The following FBXL4 variants were observed in gnomAD, a reference collection of about 807,000 sequenced individuals.
The protein encoded by FBXL4 is F-box and leucine rich repeat protein 4.
In FBXL4, 40 loss-of-function variants were observed where a neutral mutation model predicts 58.9. The ratio of observed to expected loss-of-function variants is 0.68; its 90% CI spans 0.53 to 0.88. The LOEUF (loss-of-function observed/expected upper bound fraction) is 0.88, where lower values mean the gene tolerates loss of function less well. Among genes scored for constraint, FBXL4 ranks in the 40% least tolerant of loss-of-function variants. The pLI, the probability that FBXL4 is intolerant of heterozygous loss-of-function variation, is 0.00. For synonymous variants in FBXL4, 263 were observed against 265.5 expected (o/e 0.99, Z 0.09); for missense variants, 676 against 734.4 (o/e 0.92, Z 0.92).
chr6:98,889,763 G>A (rs1056163072), intron 7 of FBXL4, among the ~76,000 whole-genome samples: 3 of 151,894 alleles, frequency 2.0e-5, no homozygotes, highest in African/African-American at 7.3e-5. Flanking sequence ...TGGAAGTTTG[G>A]TGTATGCAGA....
intron 7 of FBXL4, among the ~76,000 whole-genome samples, chr6:98,888,403 A>G (rs10484609): frequency 0.17 from 25,176 of 152,234 alleles, 2,493 homozygotes; most frequent in East Asian, 0.47. Flanking sequence ...AGAACAAAAC[A>G]ATTCTACTAT....
At chr6:98,897,484 T>C (rs1012987855) in intron 7 of FBXL4, 1 of 410,098 alleles carries the variant, frequency 2.4e-6, no homozygotes, top group Non-Finnish European at 3.3e-6. Flanking sequence ...AGAATCAAAG[T>C]CTTCTTTCCA....
At chr6:98,907,508 C>T (rs1771860173) in intron 5 of FBXL4, among the ~76,000 whole-genome samples, 2 of 152,154 alleles carry the variant, frequency 1.3e-5, no homozygotes, top group South Asian at 4.1e-4. Context: ...AGATTGTTAT[C>T]TCTAATTAAA....
chr6:98,913,769 A>G (rs1484182753), intron 5 of FBXL4, among the ~76,000 whole-genome samples: 1 of 152,236 alleles, frequency 6.6e-6, no homozygotes, highest in Non-Finnish European at 1.5e-5. Context: ...GAAAAGCAAG[A>G]GCAAACACAT....
chr6:98,908,442 TC>T (rs1310314904), intron 5 of FBXL4, among the ~76,000 whole-genome samples: 3 of 152,222 alleles, frequency 2.0e-5, no homozygotes, highest in Non-Finnish European at 4.4e-5. Flanking sequence ...CTGCTTTTTT[TC>T]CTATTGCAAA....
intron 5 of FBXL4, among the ~76,000 whole-genome samples, chr6:98,913,599 G>C (rs1772195688): frequency 6.6e-6 from 1 of 152,202 alleles, no homozygotes; most frequent in Admixed American, 6.5e-5. Context: ...CAGAAATAAA[G>C]ATGTTCTTTG....
intron 5 of FBXL4, among the ~76,000 whole-genome samples, chr6:98,906,343 C>A (rs989251656): frequency 1.4e-5 from 2 of 147,760 alleles, no homozygotes; most frequent in Non-Finnish European, 1.5e-5. Flanking sequence ...CACCCCCCAA[C>A]AGGCCCCAGT....
chr6:98,908,015 G>C (rs1282947684), intron 5 of FBXL4, among the ~76,000 whole-genome samples: 1 of 152,080 alleles, frequency 6.6e-6, no homozygotes, highest in Non-Finnish European at 1.5e-5. Context: ...TCCCATTGTA[G>C]TGGTCCCTAT....
chr6:98,877,731 T>A (rs747828129), intron 8 of FBXL4, among the ~76,000 whole-genome samples: 6 of 152,196 alleles, frequency 3.9e-5, no homozygotes, highest in African/African-American at 1.2e-4. Flanking sequence ...CAGGATCACA[T>A]AATTAGTAGG....
At chr6:98,901,716 G>C (rs1285239303) in intron 6 of FBXL4, among the ~76,000 whole-genome samples, 2 of 152,240 alleles carry the variant, frequency 1.3e-5, no homozygotes, top group Non-Finnish European at 2.9e-5. Context: ...GACAGTAGCA[G>C]ACTCAATTAG....
intron 2 of FBXL4, among the ~76,000 whole-genome samples, chr6:98,928,460 C>G (rs1407218366): frequency 6.6e-6 from 1 of 151,984 alleles, no homozygotes; most frequent in Non-Finnish European, 1.5e-5. Flanking sequence ...TCCTGAGTAG[C>G]TGGGACTACA....
chr6:98,925,579 C>A (rs1772747500), intron 4 of FBXL4, among the ~76,000 whole-genome samples: 1 of 152,140 alleles, frequency 6.6e-6, no homozygotes, highest in Non-Finnish European at 1.5e-5. Flanking sequence ...CAACTAAGTG[C>A]CCATCAATGG....
chr6:98,945,669 G>C (rs1286032327), intron 1 of FBXL4, among the ~76,000 whole-genome samples: 10 of 152,088 alleles, frequency 6.6e-5, no homozygotes, highest in Admixed American at 6.6e-4. Flanking sequence ...TGGATATGAG[G>C]ATATCTTCCT....
At chr6:98,910,709 G>A (rs951786614) in intron 5 of FBXL4, among the ~76,000 whole-genome samples, 50 of 151,914 alleles carry the variant, frequency 3.3e-4, no homozygotes, top group Admixed American at 1.9e-3. Flanking sequence ...CAAGATGGCC[G>A]AATAGGAACA....
chr6:98,924,665 A>G (rs543559722), intron 4 of FBXL4, among the ~76,000 whole-genome samples: 35 of 152,312 alleles, frequency 2.3e-4, no homozygotes, highest in African/African-American at 8.4e-4. Flanking sequence ...GACTAATAAC[A>G]TTATTTGCAA....
At chr6:98,930,987 T>C (rs140701239) in intron 2 of FBXL4, among the ~76,000 whole-genome samples, 12 of 152,306 alleles carry the variant, frequency 7.9e-5, no homozygotes, top group African/African-American at 2.2e-4. Context: ...TTCAAATCAA[T>C]TGACAAATCA....
chr6:98,871,744 T>C lies in FBXL4; in HGVS notation c.*2534A>G, dbSNP rs373341250. On this transcript the variant is annotated 3_prime_UTR_variant, in exon 10 of 10. Transcript: ENST00000369244. ...CTTCATTTGCTCTCATAGTTTCTGA[T>C]AGATTAAACATCAATGGTTCAGTTA... 2.6e-5 allele frequency: 4 copies of C among 152,218 alleles called. No homozygotes were observed. Among genetic ancestry groups the C allele is most frequent in the African/African-American group, 4.8e-5 (2 of 41,454 alleles). The allele number at this position is 152,218 out of a possible 1,614,324, so 9.4% of individuals were successfully genotyped here. A position where few individuals can be genotyped will look rare whatever the true frequency, so the allele number is the denominator to read the frequency against.
chr6:98,894,672 G>A (rs1481547358), intron 7 of FBXL4, among the ~76,000 whole-genome samples: 1 of 152,114 alleles, frequency 6.6e-6, no homozygotes, highest in East Asian at 1.9e-4. Context: ...ATAGTATGTT[G>A]TTCTTTACTA....
chr6:98,904,773 A>C (rs1379839687), intron 6 of FBXL4, among the ~76,000 whole-genome samples: 2 of 152,192 alleles, frequency 1.3e-5, no homozygotes, highest in Non-Finnish European at 2.9e-5. Flanking sequence ...GGAGAAAAAC[A>C]CCTGTTTGTA....
Sources: gnomAD v4.1 joint callset for allele counts (sites outside exome capture counted in the v4.1 genomes callset) on GRCh38, gnomAD v4.1.1 for gene constraint, MANE v1.5 for transcripts, NCBI Gene and HGNC (gene_info 2026-07-23, HGNC 2026-07-21) for gene names.